GKN1: variants seen among roughly 807,000 people sequenced by gnomAD.
The protein encoded by GKN1 is gastrokine 1, also known as gastrokine-1.
GKN1 carries 17 observed loss-of-function variants against 19.7 expected under a neutral mutation model. The ratio of observed to expected loss-of-function variants is 0.86; its 90% confidence interval spans 0.59 to 1.29. The LOEUF (loss-of-function observed/expected upper bound fraction) is 1.29. Among genes scored for constraint, GKN1 ranks in the 50% most tolerant of loss-of-function variants. GKN1 has a pLI of 0.00. For synonymous variants in GKN1, 96 were observed against 78.3 expected, an observed-to-expected ratio of 1.23 and a Z score of -1.20; for missense variants, 218 against 224.5, an observed-to-expected ratio of 0.97 and a Z score of 0.19.
intron 1 of GKN1, 71 bp downstream of exon 1, chr2:68,974,760 G>A (rs374418825): frequency 1.9e-6 from 2 of 1,058,354 alleles, no homozygotes; most frequent in African/African-American, 3.1e-5. Flanking sequence ...GATTTAGGAG[G>A]TCTGCTTCTT....
In GKN1 at chr2:68,980,931, T is replaced by G. The variant is rs968154048; in HGVS notation, c.*108T>G. On this transcript the variant is annotated 3_prime_UTR_variant, in exon 6 of 6. Coordinates refer to ENST00000377938, the MANE Select transcript of GKN1 (RefSeq NM_019617.4). ...TCATTCTGAAATTTTTCTCTACTAG[T>G]TATGTTTGATTTCTTTAAGTTTCAA... 4.1e-5 allele frequency: 27 copies of G among 658,564 alleles called. No homozygotes were observed. The highest frequency in any genetic ancestry group is 5.5e-6 in the Non-Finnish European group (2 of 366,652). The allele number at this position is 658,564 out of a possible 1,614,324, so 40.8% of individuals were successfully genotyped here.
intron 3 of GKN1, 123 bp downstream of exon 3, chr2:68,977,897 T>C: frequency 1.3e-6 from 1 of 796,104 alleles, no homozygotes; most frequent in Non-Finnish European, 2.0e-6. Context: ...AGCATACAGT[T>C]ATAAGTAAAG....
chr2:68,979,886 C>T (rs1295007513), intron 4 of GKN1, 27 bp from the exon 5 acceptor site: 1 of 1,606,778 alleles, frequency 6.2e-7, no homozygotes, highest in Admixed American at 1.7e-5. Flanking sequence ...CCCATTCTTC[C>T]TTTCTACCTC....
At chr2:68,977,085 G>T (rs894309354) in intron 1 of GKN1, among the ~76,000 whole-genome samples, 2 of 151,994 alleles carry the variant, frequency 1.3e-5, no homozygotes, top group Admixed American at 6.6e-5. Flanking sequence ...AAACAAGATG[G>T]TACATTCTGG....
intron 1 of GKN1, among the ~76,000 whole-genome samples, chr2:68,976,628 A>G (rs924760206): frequency 3.3e-5 from 5 of 152,208 alleles, no homozygotes; most frequent in African/African-American, 9.6e-5. Context: ...CATATTTTCA[A>G]TAACTTAAAA....
rs372956715 is a variant in GKN1, at chr2:68,978,294, A to AAGAGAGAG, written c.204+522_204+529dup. 9.0e-5 allele frequency among the ~76,000 whole-genome samples: 11 copies of AAGAGAGAG among 121,736 alleles called. No homozygotes were observed. The East Asian group carries it at 2.8e-3, about 31-fold the overall frequency. 79.9% of individuals were successfully genotyped at this position (121,736 alleles called of 152,430 possible). A position where few individuals can be genotyped will look rare whatever the true frequency, so the allele number is the denominator to read the frequency against. On this transcript the variant is annotated intron_variant, in intron 3 of 5. Transcript: ENST00000377938. ...AAGGAAAGAAAGAAAGAAAGAAAGA[A>AAGAGAGAG]AGAGAGAGAAAGAAAGAAAAAGAAA...
intron 5 of GKN1, 120 bp from the exon 6 acceptor site, chr2:68,980,609 A>G: frequency 1.6e-6 from 1 of 633,868 alleles, no homozygotes; most frequent in Non-Finnish European, 2.8e-6. Flanking sequence ...CATCACAACA[A>G]GTAGATAAAC....
At chr2:68,976,794 T>C (rs1453553796) in intron 1 of GKN1, among the ~76,000 whole-genome samples, 1 of 152,152 alleles carries the variant, frequency 6.6e-6, no homozygotes, top group Admixed American at 6.5e-5. Context: ...TTATAAAGCA[T>C]TTTAAAAATA....
intron 1 of GKN1, among the ~76,000 whole-genome samples, chr2:68,976,071 T>C (rs957704397): frequency 6.6e-6 from 1 of 152,168 alleles, no homozygotes; most frequent in African/African-American, 2.4e-5. Flanking sequence ...TCGCCTCTGC[T>C]GATCACTCTT....
chr2:68,978,035 G>A (rs1670291070), intron 3 of GKN1: 3 of 440,940 alleles, frequency 6.8e-6, no homozygotes, highest in Non-Finnish European at 1.2e-5. Flanking sequence ...CAACAAATAT[G>A]AACATCCTTT....
intron 1 of GKN1, among the ~76,000 whole-genome samples, chr2:68,975,247 GA>G (rs1273950296): frequency 1.3e-5 from 2 of 152,094 alleles, no homozygotes; most frequent in Non-Finnish European, 2.9e-5. Flanking sequence ...GCATGTTCAG[GA>G]AAGATGAAAA....
At chr2:68,977,441 A>T in intron 1 of GKN1, 54 bp from the exon 2 acceptor site, 2 of 1,165,262 alleles carry the variant, frequency 1.7e-6, no homozygotes, top group Non-Finnish European at 2.6e-6. Flanking sequence ...TAGAGGAAGA[A>T]AGAAGACATC....
chr2:68,980,581 C>T, intron 5 of GKN1, 148 bp from the exon 6 acceptor site: 2 of 604,524 alleles, frequency 3.3e-6, no homozygotes, highest in Non-Finnish European at 5.9e-6. Flanking sequence ...TTTTCCAGAT[C>T]TCTGAATTGA....
chr2:68,974,687 A>T lies in GKN1; in HGVS notation c.10A>T (p.Thr4Ser). The change falls in exon 1 of 6, where the codon ACA (threonine) becomes TCA (serine). Residue 4 changes from threonine (T) to serine (S), a missense_variant and splice_region_variant. Transcript: ENST00000377938. MKF[T>S]IVFAGLLGVF... Reference sequence around the variant, plus strand: ...CTTTCGTGAAGACAAGATGAAGTTCACAGTGAGTAGATTTTTCCTTTTGAA... The same window carrying T: ...CTTTCGTGAAGACAAGATGAAGTTCTCAGTGAGTAGATTTTTCCTTTTGAA... The T allele has an allele frequency of 6.3e-7, 1 of 1,578,842 alleles. No homozygotes were observed. Among genetic ancestry groups the T allele is most frequent in the Non-Finnish European group, 8.7e-7 (1 of 1,147,744 alleles).
At chr2:68,975,452 ACCGAGAAAC>A (rs1670244775) in intron 1 of GKN1, among the ~76,000 whole-genome samples, 1 of 152,184 alleles carries the variant, frequency 6.6e-6, no homozygotes. Context: ...GAGGAGGTGG[ACCGAGAAAC>A]CCTGCCAAAG....
At chr2:68,978,302 G>GAAAAAAGAAAGAAAGAAAGAAAGAAA (rs1396459385) in intron 3 of GKN1, among the ~76,000 whole-genome samples, 5 of 117,150 alleles carry the variant, frequency 4.3e-5, no homozygotes, top group Admixed American at 8.4e-5. Context: ...GAAAGAGAGA[G>GAAAAAAGAAAGAAAGAAAGAAAGAAA]AAAGAAAGAA....
At chr2:68,980,575 C>A (rs960713669) in intron 5 of GKN1, among the ~76,000 whole-genome samples, 154 bp from the exon 6 acceptor site, 3 of 152,188 alleles carry the variant, frequency 2.0e-5, no homozygotes, top group African/African-American at 7.2e-5. Context: ...TGGCAATTTT[C>A]CAGATCTCTG....
intron 1 of GKN1, among the ~76,000 whole-genome samples, chr2:68,975,630 C>T (rs967631026): frequency 6.6e-5 from 10 of 152,112 alleles, no homozygotes; most frequent in African/African-American, 2.2e-4. Context: ...ACTAGGTCCT[C>T]TTAATAGCAG....
At chr2:68,979,814 C>A in intron 4 of GKN1, 99 bp from the exon 5 acceptor site, 1 of 918,036 alleles carries the variant, frequency 1.1e-6, no homozygotes, top group Non-Finnish European at 1.8e-6. Context: ...CTGAGCAACA[C>A]TCACTGTTGG....
Sources: allele counts gnomAD v4.1 joint callset (sites outside exome capture counted in the v4.1 genomes callset), GRCh38; gene constraint gnomAD v4.1.1; transcripts MANE v1.5; gene names NCBI Gene and HGNC (gene_info 2026-07-23, HGNC 2026-07-21).